Variants in NXPH1 observed in about 807,000 individuals in gnomAD.
NXPH1 encodes neurexophilin 1.
NXPH1 carries 5 observed loss-of-function variants against 23.7 expected under a neutral mutation model. That is an observed-to-expected ratio of 0.21 (90% confidence interval 0.11 to 0.44). NXPH1 has a LOEUF of 0.44. Among genes scored for constraint, NXPH1 ranks in the 20% least tolerant of loss-of-function variants. The pLI is 0.99. For synonymous variants in NXPH1, 144 were observed against 122.2 expected, an observed-to-expected ratio of 1.18 and a Z score of -1.18; for missense variants, 324 against 321.6, an observed-to-expected ratio of 1.01 and a Z score of -0.06.
chr7:8,465,397 T>G (rs1340686443), intron 2 of NXPH1, among the ~76,000 whole-genome samples: 1 of 152,116 alleles, frequency 6.6e-6, no homozygotes. Flanking sequence ...ATTAATTACC[T>G]TTTATAAGGC....
chr7:8,722,182 T>A (rs945132769), intron 2 of NXPH1, among the ~76,000 whole-genome samples: 4 of 152,168 alleles, frequency 2.6e-5, no homozygotes, highest in East Asian at 1.9e-4. Context: ...TTTTTAAAAA[T>A]TTTAATATTA....
chr7:8,573,975 T>G (rs140089708), intron 2 of NXPH1, among the ~76,000 whole-genome samples: 1 of 152,236 alleles, frequency 6.6e-6, no homozygotes, highest in Non-Finnish European at 1.5e-5. Context: ...AAAGGTGTAC[T>G]CTGGTGGTAT....
At chr7:8,474,101 G>C (rs183714785) in intron 2 of NXPH1, among the ~76,000 whole-genome samples, 1 of 152,002 alleles carries the variant, frequency 6.6e-6, no homozygotes, top group Non-Finnish European at 1.5e-5. Context: ...ATATAACCTC[G>C]TGAATTTTAA....
chr7:8,636,841 A>T (rs1157993696), intron 2 of NXPH1, among the ~76,000 whole-genome samples: 2 of 151,790 alleles, frequency 1.3e-5, no homozygotes, highest in African/African-American at 4.8e-5. Context: ...CCAAATGAAT[A>T]TGAAGATTTG....
chr7:8,593,816 C>T (rs150758386), intron 2 of NXPH1, among the ~76,000 whole-genome samples: 1 of 151,996 alleles, frequency 6.6e-6, no homozygotes, highest in African/African-American at 2.4e-5. Context: ...ATTTTGGATT[C>T]TGCTTATAAC....
At chr7:8,671,098 T>G (rs1295099584) in intron 2 of NXPH1, among the ~76,000 whole-genome samples, 2 of 152,198 alleles carry the variant, frequency 1.3e-5, no homozygotes, top group African/African-American at 4.8e-5. Context: ...AGGCTACCCA[T>G]TTTTCAGATT....
chr7:8,642,133 C>G (rs756788110), intron 2 of NXPH1, among the ~76,000 whole-genome samples: 2 of 152,188 alleles, frequency 1.3e-5, no homozygotes, highest in Non-Finnish European at 2.9e-5. Flanking sequence ...TTGAACCACC[C>G]AATTAGCTTC....
intron 2 of NXPH1, among the ~76,000 whole-genome samples, chr7:8,517,345 T>C (rs1287850668): frequency 6.6e-6 from 1 of 151,970 alleles, no homozygotes; most frequent in Non-Finnish European, 1.5e-5. Flanking sequence ...AGAAGAGGAT[T>C]GTAGGCATGT....
chr7:8,518,150 T>A (rs1817717277), intron 2 of NXPH1, among the ~76,000 whole-genome samples: 1 of 152,174 alleles, frequency 6.6e-6, no homozygotes, highest in South Asian at 2.1e-4. Context: ...AGTTAACATT[T>A]GAATATATTA....
intron 2 of NXPH1, among the ~76,000 whole-genome samples, chr7:8,691,163 G>C (rs1233953729): frequency 1.3e-5 from 2 of 151,254 alleles, no homozygotes; most frequent in Admixed American, 6.6e-5. Flanking sequence ...TATTTTTTTT[G>C]AGATGGAGTT....
chr7:8,508,053 C>A (rs1039715651), intron 2 of NXPH1, among the ~76,000 whole-genome samples: 1 of 152,074 alleles, frequency 6.6e-6, no homozygotes, highest in African/African-American at 2.4e-5. Context: ...TGGTACCCAT[C>A]CAATATTCCT....
intron 2 of NXPH1, among the ~76,000 whole-genome samples, chr7:8,491,889 G>A (rs755348282): frequency 5.9e-5 from 9 of 151,826 alleles, no homozygotes; most frequent in Admixed American, 2.6e-4. Context: ...TTTTCTTTTC[G>A]TCGCCTTTTA....
rs759311254 is a variant in NXPH1 at position 8,751,561 on chromosome 7, A to G, written c.608A>G (p.Lys203Arg). The change falls in exon 3 of 3, where the codon AAG (lysine) becomes AGG (arginine). Residue 203 changes from lysine to arginine, a missense_variant. Coordinates refer to ENST00000405863, the MANE Select transcript of NXPH1 (RefSeq NM_152745.3). This position sits in a 1 kb window ranked among gnomAD's most constrained non-coding sequence, Gnocchi z 4.5. ...CGCATTGAATATGAAAAGGTTGACAAGGCTACCAAGAACACACTCTGCAAC... is the reference window on the plus strand; with the variant it reads ...CGCATTGAATATGAAAAGGTTGACAGGGCTACCAAGAACACACTCTGCAAC... ...NCRIEYEKVD[K>R]ATKNTLCNYD... is the part of the protein sequence containing the mutation. The G allele has an allele frequency of 1.2e-6, 2 of 1,613,444 alleles. No individual in the cohort carries two copies. Among genetic ancestry groups the G allele is most frequent in the Non-Finnish European group, 1.7e-6 (2 of 1,179,680 alleles).
intron 2 of NXPH1, among the ~76,000 whole-genome samples, chr7:8,468,113 A>G (rs574702262): frequency 6.6e-6 from 1 of 152,250 alleles, no homozygotes; most frequent in South Asian, 2.1e-4. Context: ...ATATACTTTC[A>G]CCAAAATTTC....
At chr7:8,687,444 T>C (rs956611151) in intron 2 of NXPH1, among the ~76,000 whole-genome samples, 4 of 152,180 alleles carry the variant, frequency 2.6e-5, no homozygotes, top group Non-Finnish European at 5.9e-5. Context: ...AAAGTCAACA[T>C]GTAGACATTT....
chr7:8,491,888 C>T (rs746293465), intron 2 of NXPH1, among the ~76,000 whole-genome samples: 23 of 152,036 alleles, frequency 1.5e-4, no homozygotes, highest in Non-Finnish European at 2.8e-4. Context: ...CTTTTCTTTT[C>T]GTCGCCTTTT....
At chr7:8,523,015 C>T (rs1391112132) in intron 2 of NXPH1, among the ~76,000 whole-genome samples, 3 of 152,204 alleles carry the variant, frequency 2.0e-5, no homozygotes, top group African/African-American at 7.2e-5. Flanking sequence ...TGTGCTCAAG[C>T]TTCCTCATCT....
intron 2 of NXPH1, among the ~76,000 whole-genome samples, chr7:8,458,050 C>G (rs926392561): frequency 6.6e-6 from 1 of 152,100 alleles, no homozygotes. Context: ...GGAACTGATG[C>G]ATTTCAAAAA....
chr7:8,750,571 G>C (rs1267701142), intron 2 of NXPH1, among the ~76,000 whole-genome samples: 2 of 152,136 alleles, frequency 1.3e-5, no homozygotes, highest in Admixed American at 6.5e-5. Context: ...TATAAAATTT[G>C]ATTTCAAAAA....
Sources: allele counts gnomAD v4.1 joint callset (sites outside exome capture counted in the v4.1 genomes callset), GRCh38; gene constraint gnomAD v4.1.1; non-coding constraint Gnocchi (gnomAD v3.1); transcripts MANE v1.5; gene names NCBI Gene and HGNC (gene_info 2026-07-23, HGNC 2026-07-21).